Variants in KCNIP1 observed in about 807,000 individuals in gnomAD.
KCNIP1 encodes the protein A-type potassium channel modulatory protein KCNIP1.
KCNIP1 carries 18 observed loss-of-function variants against 33.0 expected under a neutral mutation model. The ratio of observed to expected loss-of-function variants is 0.55; its 90% CI spans 0.38 to 0.81. The LOEUF (loss-of-function observed/expected upper bound fraction) is 0.81, where lower values mean the gene tolerates loss of function less well. Among genes scored for constraint, KCNIP1 ranks in the 30% least tolerant of loss-of-function variants. KCNIP1 has a pLI of 0.00. For synonymous variants in KCNIP1, 93 were observed against 98.3 expected (o/e 0.95, Z 0.32); for missense variants, 238 against 271.6 (o/e 0.88, Z 0.87).
intron 1 of KCNIP1, among the ~76,000 whole-genome samples, chr5:170,708,468 C>A (rs1325025300): frequency 1.3e-5 from 2 of 152,202 alleles, no homozygotes; most frequent in East Asian, 1.9e-4. Flanking sequence ...TCAAGTATGT[C>A]ATGTTCTTTT....
At chr5:170,526,719 C>CTTTTTTTCT (rs1755584655) in intron 1 of KCNIP1, among the ~76,000 whole-genome samples, 2 of 122,812 alleles carry the variant, frequency 1.6e-5, no homozygotes, top group African/African-American at 6.6e-5. Context: ...ATCTGATTAG[C>CTTTTTTTCT]TTTTTTTTTT....
chr5:170,507,345 T>G (rs1055034077), intron 1 of KCNIP1, among the ~76,000 whole-genome samples: 1 of 152,212 alleles, frequency 6.6e-6, no homozygotes, highest in African/African-American at 2.4e-5. Flanking sequence ...TTGTGTGGAT[T>G]TCAAGGATCA....
intron 1 of KCNIP1, among the ~76,000 whole-genome samples, chr5:170,664,394 A>G (rs1761622328): frequency 6.6e-6 from 1 of 152,116 alleles, no homozygotes; most frequent in African/African-American, 2.4e-5. Context: ...TCTCTGCATT[A>G]TAATTCCTCC....
intron 1 of KCNIP1, among the ~76,000 whole-genome samples, chr5:170,549,978 T>C (rs1200400491): frequency 1.3e-5 from 2 of 151,350 alleles, no homozygotes; most frequent in African/African-American, 4.9e-5. Flanking sequence ...GCTTACCACT[T>C]TGAGTATACA....
chr5:170,471,028 T>C (rs1329827766), intron 1 of KCNIP1, among the ~76,000 whole-genome samples: 1 of 152,238 alleles, frequency 6.6e-6, no homozygotes, highest in South Asian at 2.1e-4. Flanking sequence ...CCAAATATCC[T>C]ATGACTCTAA....
intron 1 of KCNIP1, among the ~76,000 whole-genome samples, chr5:170,593,242 A>C (rs908471731): frequency 6.6e-6 from 1 of 152,210 alleles, no homozygotes; most frequent in African/African-American, 2.4e-5. Context: ...CAACAGAGAC[A>C]GTCTTCTGAC....
chr5:170,418,328 G>A (rs1755386402), intron 1 of KCNIP1, among the ~76,000 whole-genome samples: 1 of 152,194 alleles, frequency 6.6e-6, no homozygotes, highest in East Asian at 1.9e-4. Context: ...CTACTGGGGA[G>A]GCTGAGGCAG....
chr5:170,438,690 A>T (rs1755921754), intron 1 of KCNIP1, among the ~76,000 whole-genome samples: 1 of 152,010 alleles, frequency 6.6e-6, no homozygotes, highest in Non-Finnish European at 1.5e-5. Flanking sequence ...CTCTAAAGTC[A>T]GCCCGTGCTC....
intron 1 of KCNIP1, among the ~76,000 whole-genome samples, chr5:170,372,524 T>C (rs2113310405): frequency 6.6e-6 from 1 of 152,256 alleles, no homozygotes; most frequent in Middle Eastern, 3.4e-3. Context: ...TTGGTCCTTC[T>C]GGCAAGCAGC....
At chr5:170,390,517 A>AAAATATATATATATATATAT in intron 1 of KCNIP1, among the ~76,000 whole-genome samples, 11 of 74,506 alleles carry the variant, frequency 1.5e-4, no homozygotes, top group African/African-American at 6.4e-4. Flanking sequence ...AAAAAAAACA[A>AAAATATATATATATATATAT]ATATATATAT....
At chr5:170,419,612 A>T (rs903330964) in intron 1 of KCNIP1, among the ~76,000 whole-genome samples, 1 of 152,270 alleles carries the variant, frequency 6.6e-6, no homozygotes, top group Non-Finnish European at 1.5e-5. Context: ...TGATCATTTT[A>T]GACATAAAAT....
Position 170,540,213 on chromosome 5 carries a change from C to T in KCNIP1, c.61+35580C>T, listed in dbSNP as rs564250161. On this transcript the variant is annotated intron_variant, in intron 1 of 7. Transcript: ENST00000328939. ...CAAGATTTCAGGGCAAGGAAACAGA[C>T]TCAGGAGCTTTCCTGGGGGCATGGC... Among the ~76,000 whole-genome samples, 3 of 152,306 alleles carry T rather than the reference C, an allele frequency of 2.0e-5. No individual in the cohort carries two copies. The East Asian group carries it at 5.8e-4, about 29-fold the overall frequency.
At chr5:170,501,090 C>A (rs1431287758), upstream of KCNIP1, among the ~76,000 whole-genome samples, 5 of 152,056 alleles carry the variant, frequency 3.3e-5, no homozygotes, top group Non-Finnish European at 7.4e-5. Context: ...TTAAAACAGT[C>A]CAGAGGGAGA....
chr5:170,700,941 AAAC>A (rs1272104442), intron 1 of KCNIP1, among the ~76,000 whole-genome samples: 2 of 152,218 alleles, frequency 1.3e-5, no homozygotes, highest in African/African-American at 4.8e-5. Flanking sequence ...TATTCCACAA[AAAC>A]AACATTACAA....
chr5:170,515,310 G>T (rs1057147908), intron 1 of KCNIP1, among the ~76,000 whole-genome samples: 1 of 152,140 alleles, frequency 6.6e-6, no homozygotes, highest in Non-Finnish European at 1.5e-5. Context: ...ATTGCCTATT[G>T]CATCTGTTCT....
intron 1 of KCNIP1, among the ~76,000 whole-genome samples, chr5:170,625,772 A>G (rs1719893694): frequency 6.6e-6 from 1 of 152,194 alleles, no homozygotes; most frequent in Non-Finnish European, 1.5e-5. Context: ...ACCTGCTGTT[A>G]GGATGATTTC....
chr5:170,478,370 G>A (rs1756902027), intron 1 of KCNIP1, among the ~76,000 whole-genome samples: 1 of 152,250 alleles, frequency 6.6e-6, no homozygotes, highest in South Asian at 2.1e-4. Context: ...TTAATGGACT[G>A]AGAGACTATG....
rs1415283251 is a variant in KCNIP1 at position 170,563,641 on chromosome 5, TTTG to T, written c.61+59011_61+59013del. 4.8e-3 allele frequency among the ~76,000 whole-genome samples: 227 copies of T among 47,142 alleles called. 6 individuals carry two copies. In the South Asian group the frequency reaches 0.14, roughly 29 times the overall value. 30.9% of individuals were successfully genotyped at this position (47,142 alleles called of 152,430 possible). ...AGTTTTAAGGTGTTTTGTTTTTTTT[TTTG>T]TTTGTTTGTTTGTTTGAGACAGTTT... On this transcript the variant is annotated intron_variant, in intron 1 of 7. Coordinates refer to ENST00000328939, the MANE Select transcript of KCNIP1 (RefSeq NM_014592.4).
intron 1 of KCNIP1, among the ~76,000 whole-genome samples, chr5:170,438,304 C>T (rs567635111): frequency 1.3e-5 from 2 of 152,298 alleles, no homozygotes; most frequent in Admixed American, 1.3e-4. Context: ...AGTGTTCAAA[C>T]TCTGGCTTGA....
Sources: gnomAD v4.1 joint callset for allele counts (sites outside exome capture counted in the v4.1 genomes callset) on GRCh38, gnomAD v4.1.1 for gene constraint, MANE v1.5 for transcripts, NCBI Gene and HGNC (gene_info 2026-07-23, HGNC 2026-07-21) for gene names.